The following CACNA1A variants were observed in gnomAD, a reference collection of about 807,000 sequenced individuals.
The protein encoded by CACNA1A is calcium voltage-gated channel subunit alpha1 A, also known as voltage-dependent P/Q-type calcium channel subunit alpha-1A.
In CACNA1A, 57 loss-of-function variants were observed where a neutral mutation model predicts 262.4. That is an observed-to-expected ratio of 0.22 (90% confidence interval 0.18 to 0.27). The LOEUF (loss-of-function observed/expected upper bound fraction) is 0.27, where lower values mean the gene tolerates loss of function less well. CACNA1A is among the 10% of genes least tolerant of loss of function. The pLI, the probability that CACNA1A is intolerant of heterozygous loss-of-function variation, is 1.00. For synonymous variants in CACNA1A, 1,431 were observed against 1,419.3 expected, an observed-to-expected ratio of 1.01 and a Z score of -0.18; for missense variants, 2,526 against 3,562.8, an observed-to-expected ratio of 0.71 and a Z score of 7.41.
At chr19:13,413,669 A>C (rs1321043596) in intron 3 of CACNA1A, among the ~76,000 whole-genome samples, 4 of 147,740 alleles carry the variant, frequency 2.7e-5, no homozygotes, top group Admixed American at 2.0e-4. Flanking sequence ...ACCTGAGGTC[A>C]GGAGTTCAAG....
At chr19:13,399,004 C>T (rs377597320) in intron 3 of CACNA1A, among the ~76,000 whole-genome samples, 233 of 152,256 alleles carry the variant, frequency 1.5e-3, no homozygotes, top group Non-Finnish European at 2.0e-3. Context: ...CTCCTGCGAT[C>T]CCAGGAGGGC....
intron 31 of CACNA1A, among the ~76,000 whole-genome samples, chr19:13,242,989 C>T (rs2056121664): frequency 6.6e-6 from 1 of 152,236 alleles, no homozygotes. Flanking sequence ...TCTGTCCCTA[C>T]AGCTCTCTTA....
intron 3 of CACNA1A, among the ~76,000 whole-genome samples, chr19:13,397,350 G>C (rs898182619): frequency 6.6e-6 from 1 of 152,184 alleles, no homozygotes; most frequent in Non-Finnish European, 1.5e-5. Flanking sequence ...GGCAAATCCT[G>C]AGAGCTGGAA....
intron 1 of CACNA1A, among the ~76,000 whole-genome samples, chr19:13,483,403 C>T (rs1001437476): frequency 1.3e-5 from 2 of 152,126 alleles, no homozygotes; most frequent in African/African-American, 2.4e-5. Flanking sequence ...CTCTTCCCCA[C>T]TTGGAGAAGT....
rs1172688314 is a variant in CACNA1A, at chr19:13,371,788, A to C, written c.540-9T>G. Reference sequence around the variant, plus strand: ...CAACTGTCGCCAAGATGCTGAAAGAAAGAAGCCAGAATGGAGAACAGAGGG... The same window carrying C: ...CAACTGTCGCCAAGATGCTGAAAGACAGAAGCCAGAATGGAGAACAGAGGG... On this transcript the variant is annotated splice_polypyrimidine_tract_variant and intron_variant, in intron 3 of 46. Coordinates refer to ENST00000360228, the MANE Select transcript of CACNA1A (RefSeq NM_001127222.2). 4 of 1,558,694 alleles carry C rather than the reference A, an allele frequency of 2.6e-6. No homozygotes were observed. Among genetic ancestry groups the C allele is most frequent in the Non-Finnish European group, 3.5e-6 (4 of 1,149,722 alleles).
intron 21 of CACNA1A, chr19:13,284,255 T>G (rs2057354129): frequency 6.6e-6 from 1 of 152,198 alleles, no homozygotes; most frequent in Non-Finnish European, 1.5e-5. Context: ...AAAAAAATTT[T>G]AAGGCACTCA....
chr19:13,418,005 C>A (rs534611370), intron 3 of CACNA1A, among the ~76,000 whole-genome samples: 1 of 151,660 alleles, frequency 6.6e-6, no homozygotes, highest in Non-Finnish European at 1.5e-5. Flanking sequence ...TCCTTCCTGG[C>A]GGTTAGCACA....
intron 1 of CACNA1A, among the ~76,000 whole-genome samples, chr19:13,462,823 G>A (rs1005240883): frequency 1.3e-5 from 2 of 152,066 alleles, no homozygotes; most frequent in Admixed American, 6.6e-5. Flanking sequence ...ACAGTGGCAC[G>A]ATCACAGCTC....
chr19:13,298,298 T>G (rs2057710486), intron 19 of CACNA1A, among the ~76,000 whole-genome samples: 1 of 151,396 alleles, frequency 6.6e-6, no homozygotes, highest in Non-Finnish European at 1.5e-5. Context: ...GCCCGGCTAA[T>G]TTTTGTATTT....
chr19:13,427,560 C>A (rs1471778280), intron 3 of CACNA1A, among the ~76,000 whole-genome samples: 4 of 152,106 alleles, frequency 2.6e-5, no homozygotes, highest in Admixed American at 1.3e-4. Context: ...AAATTTGCAA[C>A]CCTAGAGTCT....
chr19:13,441,116 T>C (rs2060711307), intron 3 of CACNA1A, among the ~76,000 whole-genome samples: 1 of 152,062 alleles, frequency 6.6e-6, no homozygotes, highest in Non-Finnish European at 1.5e-5. Context: ...CCCCACCAAG[T>C]CAGGGGATGC....
intron 1 of CACNA1A, among the ~76,000 whole-genome samples, chr19:13,461,625 G>C (rs1222153307): frequency 6.6e-6 from 1 of 152,204 alleles, no homozygotes; most frequent in African/African-American, 2.4e-5. Flanking sequence ...CTGGGGGGCA[G>C]GCGAGGCTTT....
chr19:13,280,338 G>A (rs937378423), intron 22 of CACNA1A, among the ~76,000 whole-genome samples: 3 of 150,166 alleles, frequency 2.0e-5, no homozygotes, highest in Non-Finnish European at 4.4e-5. Flanking sequence ...ACCACGCTCG[G>A]TTAATTAAAA....
At position 13,307,874 on chromosome 19, in the gene CACNA1A, AT is replaced by A. The variant is rs1202702569; in HGVS notation, c.1914-21del. ...TTAAACCTGCAGGGAGGACACAGAC[AT>A]TTCACGTTGGCCCCACCCGGGGTGC... On this transcript the variant is annotated intron_variant, in intron 14 of 46. Coordinates refer to ENST00000360228, the MANE Select transcript of CACNA1A (RefSeq NM_001127222.2). 1.2e-6 allele frequency: 2 copies of A among 1,610,676 alleles called. No homozygotes were observed. The highest frequency in any genetic ancestry group is 4.5e-5 in the East Asian group (2 of 44,862).
chr19:13,446,031 T>C (rs926742849), intron 3 of CACNA1A, among the ~76,000 whole-genome samples: 1 of 152,028 alleles, frequency 6.6e-6, no homozygotes. Context: ...TCCCAGCACT[T>C]TGGGAGGCCG....
intron 34 of CACNA1A, among the ~76,000 whole-genome samples, chr19:13,232,204 CTT>C (rs200455525): frequency 2.1e-5 from 3 of 140,974 alleles, no homozygotes; most frequent in Non-Finnish European, 3.1e-5. Context: ...CTCTCTCTCT[CTT>C]TTTTTTTTTT....
intron 30 of CACNA1A, among the ~76,000 whole-genome samples, chr19:13,246,633 T>TG (rs2056241911): frequency 6.9e-6 from 1 of 145,342 alleles, no homozygotes; most frequent in Non-Finnish European, 1.5e-5. Flanking sequence ...CTCTGTTTGT[T>TG]TTTTTTTTTT....
At chr19:13,406,936 C>A (rs2060022508) in intron 3 of CACNA1A, among the ~76,000 whole-genome samples, 1 of 151,762 alleles carries the variant, frequency 6.6e-6, no homozygotes, top group Admixed American at 6.6e-5. Flanking sequence ...AGCACATTCA[C>A]ACACACACAA....
At chr19:13,381,361 T>C (rs1283642696) in intron 3 of CACNA1A, among the ~76,000 whole-genome samples, 1 of 147,042 alleles carries the variant, frequency 6.8e-6, no homozygotes, top group Non-Finnish European at 1.5e-5. Context: ...ATCGTGCCAC[T>C]GCATTCCAGG....
Sources: gnomAD v4.1 joint callset for allele counts (sites outside exome capture counted in the v4.1 genomes callset) on GRCh38, gnomAD v4.1.1 for gene constraint, MANE v1.5 for transcripts, NCBI Gene and HGNC (gene_info 2026-07-23, HGNC 2026-07-21) for gene names.